Variants in CLU observed in about 807,000 individuals in gnomAD.
The protein encoded by CLU is clusterin.
In CLU, 25 loss-of-function variants were observed where a neutral mutation model predicts 46.4. That is an observed-to-expected ratio of 0.54 (90% CI 0.39 to 0.75). CLU has a LOEUF of 0.75. Ranked by LOEUF, CLU falls within the 30% of genes least tolerant of loss-of-function variation. CLU has a pLI of 0.00. For missense variants in CLU, 504 were observed against 592.1 expected (o/e 0.85, Z 1.54); for synonymous variants, 235 against 235.1 (o/e 1.00, Z 0.00).
rs1308804396 is a variant in CLU at position 27,599,555 on chromosome 8, A to G, written c.1164+225T>C. The G allele has an allele frequency of 5.4e-6, 3 of 554,688 alleles. No individual in the cohort carries two copies. Among genetic ancestry groups the G allele is most frequent in the Non-Finnish European group, 9.7e-6 (3 of 308,958 alleles). The allele number at this position is 554,688 out of a possible 1,614,324, so 34.4% of individuals were successfully genotyped here. On this transcript the variant is annotated intron_variant, in intron 7 of 8. Transcript: ENST00000316403. The surrounding 1 kb of genome is among the most constrained non-coding windows in gnomAD (Gnocchi z 4.0). ...CAAATACCCGTCCAAGTCATCTGTC[A>G]GCTATCACACCTTGGCCAAGCTGTG...
intron 6 of CLU, 192 bp downstream of exon 6, chr8:27,604,099 A>T (rs1181147677): frequency 1.6e-6 from 1 of 615,558 alleles, no homozygotes; most frequent in Non-Finnish European, 3.0e-6. Context: ...TCGCATCATC[A>T]TCTCATTCTA....
At chr8:27,610,678 TCCCCA>T in intron 1 of CLU, 78 bp from the exon 2 acceptor site, 5 of 1,095,426 alleles carry the variant, frequency 4.6e-6, no homozygotes, top group Non-Finnish European at 7.0e-6. Context: ...CTGCAGCAGC[TCCCCA>T]GGGCCTCACT....
At chr8:27,600,710 C>G (rs1800704434) in intron 6 of CLU, among the ~76,000 whole-genome samples, 1 of 152,150 alleles carries the variant, frequency 6.6e-6, no homozygotes, top group African/African-American at 2.4e-5. Context: ...TTGCCCTAGT[C>G]CCTCCCGGGA....
In CLU at chr8:27,597,962, G is replaced by A; in HGVS notation, c.*279C>T. ...CAAAATGAAGGCATGCCGGGAAGCA[G>A]CAACTCAACATAAAAAGAGGACCCT... On this transcript the variant is annotated 3_prime_UTR_variant, in exon 9 of 9. Transcript: ENST00000316403. 1.5e-6 allele frequency: 1 copy of A among 652,316 alleles called. No homozygotes were observed. The highest frequency in any genetic ancestry group is 2.8e-6 in the Non-Finnish European group (1 of 355,810). 40.4% of individuals were successfully genotyped at this position (652,316 alleles called of 1,614,324 possible).
intron 1 of CLU, 146 bp from the exon 2 acceptor site, chr8:27,610,746 TGGG>T (rs1354595955): frequency 4.6e-6 from 3 of 651,242 alleles, no homozygotes; most frequent in African/African-American, 3.6e-5. Context: ...CCTGAGGAAA[TGGG>T]GGGAAATGAC....
At chr8:27,611,833 G>A (rs1203701259) in intron 1 of CLU, 1 of 449,710 alleles carries the variant, frequency 2.2e-6, no homozygotes, top group Non-Finnish European at 4.5e-6. Context: ...GGCTCACCAG[G>A]AAGGCTGTGG....
Position 27,606,410 on chromosome 8 carries a change from A to G in CLU, c.361T>C (p.Cys121Arg). The G allele has an allele frequency of 6.2e-7, 1 of 1,614,248 alleles. No individual in the cohort carries two copies. The highest frequency in any genetic ancestry group is 8.5e-7 in the Non-Finnish European group (1 of 1,180,044). The stretch of plus-strand genomic sequence containing the variant: ...CAGACGCGTGCGTAGAACTTCATGC[A>G]GGTCTGTTTCAGGCAGGGCTTACAC... The part of the protein sequence containing the change: ...EECKPCLKQT[C>R]MKFYARVCRS... Residue 121 changes from cysteine to arginine, a missense_variant, in exon 4 of 9, where the codon TGC becomes CGC. This residue lies in a region of CLU where 428 missense variants were observed against 484.0 expected (regional missense o/e 0.88). Transcript: ENST00000316403.
At position 27,611,032 on chromosome 8, in the gene CLU, G is replaced by T. The variant is rs1800917463; in HGVS notation, c.-29-432C>A. 14 of 376,560 alleles carry T rather than the reference G, an allele frequency of 3.7e-5. 1 individual carries two copies. Among genetic ancestry groups the T allele is most frequent in the South Asian group, 2.8e-4 (14 of 50,874 alleles). 23.3% of individuals were successfully genotyped at this position (376,560 alleles called of 1,614,324 possible). On this transcript the variant is annotated intron_variant, in intron 1 of 8. Coordinates refer to ENST00000316403, the MANE Select transcript of CLU (RefSeq NM_001831.4). ...CCCTCCCCATGCCACCTCCACAGAG[G>T]GACTGCATCCCAGAGACCAGCCACG... is the stretch of plus-strand genomic sequence containing the variant.
intron 1 of CLU, chr8:27,611,057 G>A (rs1241131800): frequency 7.7e-6 from 3 of 392,020 alleles, no homozygotes; most frequent in East Asian, 7.2e-5. Flanking sequence ...GACCAGCCAC[G>A]TCCTCTGCAA....
At chr8:27,603,665 GCCCAGGTACTGAGA>G (rs1334729538) in intron 6 of CLU, among the ~76,000 whole-genome samples, 1 of 152,198 alleles carries the variant, frequency 6.6e-6, no homozygotes, top group African/African-American at 2.4e-5. Flanking sequence ...TTGCTTGGAT[GCCCAGGTACTGAGA>G]CCCGTGACTT....
chr8:27,608,783 T>G (rs2128909855), intron 3 of CLU, 155 bp downstream of exon 3: 1 of 805,668 alleles, frequency 1.2e-6, no homozygotes, highest in Non-Finnish European at 2.1e-6. Context: ...CAAATGAACC[T>G]TCCCTGCTTC....
intron 1 of CLU, chr8:27,610,907 TCAGCGAGGC>T: frequency 2.5e-6 from 1 of 393,944 alleles, no homozygotes; most frequent in Non-Finnish European, 4.9e-6. Context: ...TCCCCGACAA[TCAGCGAGGC>T]ACACAGGCTT....
chr8:27,598,369 A>G (rs994548821), intron 8 of CLU, 91 bp downstream of exon 8: 24 of 1,594,374 alleles, frequency 1.5e-5, no homozygotes, highest in Middle Eastern at 1.7e-4. Context: ...CGTTCCCACC[A>G]GGCTATAGAG....
chr8:27,604,497 G>A (rs1800780083), intron 5 of CLU, 102 bp from the exon 6 acceptor site: 1 of 976,332 alleles, frequency 1.0e-6, no homozygotes, highest in African/African-American at 1.6e-5. Context: ...TTTACAGACA[G>A]GGTCTCACTC....
chr8:27,597,927 C>A lies in CLU; in HGVS notation c.*314G>T, dbSNP rs563098300. 6 of 602,362 alleles carry A rather than the reference C, an allele frequency of 1.0e-5. No homozygotes were observed. The highest frequency in any genetic ancestry group is 1.9e-5 in the Non-Finnish European group (6 of 324,188). The allele number at this position is 602,362 out of a possible 1,614,324, so 37.3% of individuals were successfully genotyped here. The stretch of plus-strand genomic sequence containing the variant: ...ACTTATTTTCCATCCCCCCTGCCTG[C>A]CCCCCATAGCAAAATGAAGGCATGC... On this transcript the variant is annotated 3_prime_UTR_variant, in exon 9 of 9. Coordinates refer to ENST00000316403, the MANE Select transcript of CLU (RefSeq NM_001831.4).
intron 1 of CLU, 81 bp downstream of exon 1, chr8:27,614,571 CTCT>C: frequency 4.6e-6 from 2 of 436,108 alleles, no homozygotes; most frequent in Non-Finnish European, 9.4e-6. Flanking sequence ...TGTGTCATCC[CTCT>C]CTGCCTGGCT....
In CLU at chr8:27,597,912, C is replaced by T; in HGVS notation, c.*329G>A. The T allele has an allele frequency of 5.3e-6, 3 of 569,908 alleles. No homozygotes were observed. 35.3% of individuals were successfully genotyped at this position (569,908 alleles called of 1,614,324 possible). On this transcript the variant is annotated 3_prime_UTR_variant, in exon 9 of 9. Transcript: ENST00000316403. ...TGCTTTTTTGTTTCTACTTATTTTC[C>T]ATCCCCCCTGCCTGCCCCCCATAGC... is the stretch of plus-strand genomic sequence containing the variant.
rs35500730 is a variant in CLU, at chr8:27,607,747, C to CAA, written c.246+1189_246+1190dup. On this transcript the variant is annotated intron_variant, in intron 3 of 8. Coordinates refer to ENST00000316403, the MANE Select transcript of CLU (RefSeq NM_001831.4). ...CTCTATGAATGAGTGTGTTAGTCTTCAAAAAAAAAAAAATAGCCTATCCAC... is the reference window on the plus strand; with the variant it reads ...CTCTATGAATGAGTGTGTTAGTCTTCAAAAAAAAAAAAAAATAGCCTATCCAC... Among the ~76,000 whole-genome samples the CAA allele has an allele frequency of 4.3e-3, 628 of 144,652 alleles. 8 individuals carry two copies. The highest frequency in any genetic ancestry group is 0.019 in the East Asian group (94 of 4,996). 94.9% of individuals were successfully genotyped at this position (144,652 alleles called of 152,430 possible).
At chr8:27,604,531 G>GATT in intron 5 of CLU, 136 bp from the exon 6 acceptor site, 1 of 802,824 alleles carries the variant, frequency 1.2e-6, no homozygotes, top group Non-Finnish European at 2.1e-6. Context: ...GGAATGCAAT[G>GATT]GTGCAATCAT....
Sources: allele counts gnomAD v4.1 joint callset (sites outside exome capture counted in the v4.1 genomes callset), GRCh38; gene constraint gnomAD v4.1.1; regional missense constraint gnomAD v4.1.1; non-coding constraint Gnocchi (gnomAD v3.1); transcripts MANE v1.5; gene names NCBI Gene and HGNC (gene_info 2026-07-23, HGNC 2026-07-21).